PALM2AKAP2: variants seen among roughly 807,000 people sequenced by gnomAD.
The protein encoded by PALM2AKAP2 is PALM2 and AKAP2 fusion.
A neutral mutation model predicts 71.5 loss-of-function variants in PALM2AKAP2; 37 were observed. That is an observed-to-expected ratio of 0.52 (90% confidence interval 0.40 to 0.68). The LOEUF (loss-of-function observed/expected upper bound fraction) is 0.68. Ranked by LOEUF, PALM2AKAP2 falls within the 30% of genes least tolerant of loss-of-function variation. The pLI, the probability that PALM2AKAP2 is intolerant of heterozygous loss-of-function variation, is 0.00. For missense variants in PALM2AKAP2, 1,224 were observed against 1,191.8 expected, an observed-to-expected ratio of 1.03 and a Z score of -0.40; for synonymous variants, 468 against 478.8, an observed-to-expected ratio of 0.98 and a Z score of 0.29.
At chr9:110,152,704 C>T (rs1836352006) in intron 2 of PALM2AKAP2, among the ~76,000 whole-genome samples, 1 of 152,188 alleles carries the variant, frequency 6.6e-6, no homozygotes, top group South Asian at 2.1e-4. Context: ...TGGAGAGGAC[C>T]TCTGGCTGCA....
exon 2 of PALM2AKAP2, chr9:110,138,457 A>C: frequency 6.2e-7 from 1 of 1,614,210 alleles, no homozygotes; most frequent in Non-Finnish European, 8.5e-7. Context: ...AGAGGCAGAG[A>C]CAAGTCTTGC....
intron 6 of PALM2AKAP2, among the ~76,000 whole-genome samples, chr9:109,962,844 A>G (rs1831878205): frequency 6.6e-6 from 1 of 152,154 alleles, no homozygotes. Flanking sequence ...GATTTTTGCC[A>G]TGTTGGCCAG....
intron 1 of PALM2AKAP2, among the ~76,000 whole-genome samples, chr9:109,675,106 T>A (rs1827630934): frequency 6.6e-6 from 1 of 152,128 alleles, no homozygotes; most frequent in African/African-American, 2.4e-5. Flanking sequence ...TAAGCTATGA[T>A]GCTTGAGAGG....
chr9:109,885,229 C>T (rs1341342258), intron 3 of PALM2AKAP2, among the ~76,000 whole-genome samples: 4 of 151,936 alleles, frequency 2.6e-5, no homozygotes, highest in East Asian at 1.9e-4. Context: ...TTTGGAAGGG[C>T]GAATGTTGTT....
chr9:109,710,946 C>T (rs1474553393), intron 1 of PALM2AKAP2, among the ~76,000 whole-genome samples: 1 of 149,962 alleles, frequency 6.7e-6, no homozygotes, highest in Non-Finnish European at 1.5e-5. Context: ...TCCAACGTGG[C>T]CACAATTTGA....
intron 1 of PALM2AKAP2, among the ~76,000 whole-genome samples, chr9:110,086,934 A>T (rs551423012): frequency 2.6e-4 from 39 of 152,282 alleles, no homozygotes; most frequent in South Asian, 1.9e-3. Flanking sequence ...TTGACCCCCT[A>T]CCCATTGCTC....
intron 1 of PALM2AKAP2, among the ~76,000 whole-genome samples, chr9:109,693,858 G>A (rs1343830561): frequency 3.3e-5 from 5 of 151,900 alleles, no homozygotes; most frequent in African/African-American, 7.2e-5. Flanking sequence ...TAGTGTCTTC[G>A]TAAATGTTTC....
At chr9:109,881,640 C>T (rs1316703777) in intron 3 of PALM2AKAP2, among the ~76,000 whole-genome samples, 1 of 152,110 alleles carries the variant, frequency 6.6e-6, no homozygotes, top group Non-Finnish European at 1.5e-5. Flanking sequence ...GATAAGCGAC[C>T]TGTCTGTGGG....
At chr9:109,851,208 AC>A (rs58602123) in intron 1 of PALM2AKAP2, among the ~76,000 whole-genome samples, 608 of 46,798 alleles carry the variant, frequency 0.013, 4 homozygotes, top group African/African-American at 0.045. Flanking sequence ...AACAACAACA[AC>A]AAAAAAAAAA....
At chr9:109,896,970 G>GTT (rs750585312) in intron 3 of PALM2AKAP2, among the ~76,000 whole-genome samples, 1 of 151,342 alleles carries the variant, frequency 6.6e-6, no homozygotes, top group East Asian at 1.9e-4. Context: ...TTAGTTTCAA[G>GTT]TTTTTTTTTG....
At chr9:110,083,012 G>A (rs1014638463) in intron 1 of PALM2AKAP2, among the ~76,000 whole-genome samples, 15 of 152,000 alleles carry the variant, frequency 9.9e-5, no homozygotes, top group African/African-American at 3.1e-4. Flanking sequence ...GTGGTGGCGC[G>A]TGCCTGTAAT....
chr9:110,126,196 A>G (rs1479413199), intron 1 of PALM2AKAP2, among the ~76,000 whole-genome samples: 1 of 152,196 alleles, frequency 6.6e-6, no homozygotes, highest in Non-Finnish European at 1.5e-5. Context: ...ATCTGTAGAC[A>G]GAGGGTTAAC....
intron 7 of PALM2AKAP2, among the ~76,000 whole-genome samples, chr9:110,032,738 AT>A (rs1214365435): frequency 3.4e-5 from 5 of 145,064 alleles, no homozygotes; most frequent in Admixed American, 1.4e-4. Flanking sequence ...AAATAAATAA[AT>A]AAAATAAAAA....
intron 7 of PALM2AKAP2, among the ~76,000 whole-genome samples, chr9:110,032,707 TAA>T: frequency 1.4e-5 from 1 of 72,632 alleles, no homozygotes. Flanking sequence ...AATAAATAAA[TAA>T]ATAAATAAAT....
intron 1 of PALM2AKAP2, among the ~76,000 whole-genome samples, chr9:109,735,571 A>C (rs913591092): frequency 1.3e-5 from 2 of 152,198 alleles, no homozygotes; most frequent in African/African-American, 4.8e-5. Context: ...TCACACAGCA[A>C]GTTAATTATG....
At chr9:110,025,094 T>C in intron 7 of PALM2AKAP2, 1 of 1,120,240 alleles carries the variant, frequency 8.9e-7, no homozygotes, top group Non-Finnish European at 1.4e-6. Flanking sequence ...ATATGCACAT[T>C]AATTCTCTTG....
At chr9:109,725,705 G>A (rs527433231) in intron 1 of PALM2AKAP2, among the ~76,000 whole-genome samples, 1 of 152,114 alleles carries the variant, frequency 6.6e-6, no homozygotes, top group East Asian at 1.9e-4. Flanking sequence ...TATCCGTGTT[G>A]CATTAAAGAG....
At chr9:110,150,208 G>A (rs1836276385) in intron 2 of PALM2AKAP2, among the ~76,000 whole-genome samples, 1 of 152,216 alleles carries the variant, frequency 6.6e-6, no homozygotes, top group Admixed American at 6.5e-5. Flanking sequence ...AGCAGAAACC[G>A]ACCATTCTGG....
intron 6 of PALM2AKAP2, among the ~76,000 whole-genome samples, chr9:109,999,673 C>T (rs955014273): frequency 3.3e-5 from 5 of 152,248 alleles, no homozygotes; most frequent in Non-Finnish European, 5.9e-5. Context: ...AGGTGCTTTG[C>T]GTGGAGAACG....
Sources: allele counts gnomAD v4.1 joint callset (sites outside exome capture counted in the v4.1 genomes callset), GRCh38; gene constraint gnomAD v4.1.1; transcripts MANE v1.5; gene names NCBI Gene and HGNC (gene_info 2026-07-23, HGNC 2026-07-21).